BTC: variants seen among roughly 807,000 people sequenced by gnomAD.
BTC encodes the protein probetacellulin.
BTC carries 13 observed loss-of-function variants against 18.1 expected under a neutral mutation model. The observed-to-expected ratio is 0.72, with a 90% CI of 0.47 to 1.14. The LOEUF is 1.14. Among genes scored for constraint, BTC ranks in the 50% most tolerant of loss-of-function variants. BTC has a pLI of 0.00. For synonymous variants in BTC, 83 were observed against 79.4 expected, an observed-to-expected ratio of 1.05 and a Z score of -0.24; for missense variants, 247 against 224.2, an observed-to-expected ratio of 1.10 and a Z score of -0.65.
intron 1 of BTC, among the ~76,000 whole-genome samples, chr4:74,778,796 G>C (rs1181131846): frequency 2.0e-5 from 3 of 152,144 alleles, no homozygotes; most frequent in Non-Finnish European, 4.4e-5. Context: ...GGAGCAACCT[G>C]GCATGGGGAG....
chr4:74,785,475 G>A (rs1345498713), intron 1 of BTC, among the ~76,000 whole-genome samples: 1 of 152,184 alleles, frequency 6.6e-6, no homozygotes, highest in East Asian at 1.9e-4. Flanking sequence ...TTTGGGGTTT[G>A]TTTGCTCTTG....
At chr4:74,758,923 A>T (rs1724675875) in intron 2 of BTC, among the ~76,000 whole-genome samples, 1 of 152,158 alleles carries the variant, frequency 6.6e-6, no homozygotes, top group Non-Finnish European at 1.5e-5. Context: ...AATAAATCAC[A>T]CATACTGCCA....
At chr4:74,794,172 C>T in intron 1 of BTC, 90 bp downstream of exon 1, 1 of 1,503,536 alleles carries the variant, frequency 6.7e-7, no homozygotes, top group South Asian at 1.2e-5. Flanking sequence ...CCCTCTTGTC[C>T]AGATGCCAGC....
At chr4:74,757,622 G>GGATA (rs1217312257) in intron 2 of BTC, among the ~76,000 whole-genome samples, 1 of 151,938 alleles carries the variant, frequency 6.6e-6, no homozygotes, top group African/African-American at 2.4e-5. Context: ...AAGAAATAAA[G>GGATA]GATACCTTAT....
chr4:74,794,320 G>T lies in BTC; in HGVS notation c.6C>A (p.Asp2Glu). Residue 2 changes from aspartate (D) to glutamate (E), a missense_variant, in exon 1 of 6, where the codon GAC becomes GAA. Physicochemically the swap from Asp to Glu is conservative, Grantham distance 45. Transcript: ENST00000395743. Reference sequence around the variant, plus strand: ...TGGCGCCGCTGCACCGGGCGGCCCGGTCCATCAACCCCGCTCTGCCGGGCC... The same window carrying T: ...TGGCGCCGCTGCACCGGGCGGCCCGTTCCATCAACCCCGCTCTGCCGGGCC... Reference protein sequence around the residue: MDRAARCSGASS... With the variant: MERAARCSGASS... 6.5e-7 allele frequency: 1 copy of T among 1,546,886 alleles called. No homozygotes were observed. Among genetic ancestry groups the T allele is most frequent in the Non-Finnish European group, 8.7e-7 (1 of 1,145,904 alleles).
chr4:74,794,009 G>C (rs1370334355), intron 1 of BTC, among the ~76,000 whole-genome samples: 2 of 152,040 alleles, frequency 1.3e-5, no homozygotes, highest in Non-Finnish European at 2.9e-5. Context: ...CTGGCAGCGA[G>C]GACCTCGGAA....
At chr4:74,771,742 G>A (rs1209881650) in intron 1 of BTC, among the ~76,000 whole-genome samples, 1 of 152,144 alleles carries the variant, frequency 6.6e-6, no homozygotes, top group African/African-American at 2.4e-5. Flanking sequence ...CTTTTCTTGA[G>A]AACAATTCAG....
chr4:74,777,084 C>G (rs933066715), intron 1 of BTC, among the ~76,000 whole-genome samples: 1 of 152,112 alleles, frequency 6.6e-6, no homozygotes, highest in Non-Finnish European at 1.5e-5. Context: ...TAAAGAGAAG[C>G]AGTGCAGAGT....
At chr4:74,789,164 T>C (rs1209787078) in intron 1 of BTC, among the ~76,000 whole-genome samples, 1 of 152,250 alleles carries the variant, frequency 6.6e-6, no homozygotes, top group African/African-American at 2.4e-5. Context: ...AAACAATCCC[T>C]GCCATCGTGG....
At chr4:74,794,131 T>G (rs1433689271) in intron 1 of BTC, 131 bp downstream of exon 1, 2 of 1,200,542 alleles carry the variant, frequency 1.7e-6, no homozygotes, top group Non-Finnish European at 2.4e-6. Context: ...CCTTCAAAGT[T>G]CTCCAACCCG....
At chr4:74,759,639 A>G (rs1553957085) in intron 2 of BTC, among the ~76,000 whole-genome samples, 1 of 148,920 alleles carries the variant, frequency 6.7e-6, no homozygotes, top group Non-Finnish European at 1.5e-5. Flanking sequence ...AATATAAATA[A>G]AGACATGACA....
chr4:74,759,223 G>A (rs1311461885), intron 2 of BTC, among the ~76,000 whole-genome samples: 8 of 152,082 alleles, frequency 5.3e-5, no homozygotes, highest in Non-Finnish European at 8.8e-5. Context: ...AGAAGGAAAA[G>A]TTAATCCTAT....
chr4:74,790,494 C>T (rs1226648170), intron 1 of BTC, among the ~76,000 whole-genome samples: 1 of 152,160 alleles, frequency 6.6e-6, no homozygotes, highest in African/African-American at 2.4e-5. Context: ...CAGGCTTGAC[C>T]ACTACATGAC....
At chr4:74,766,425 T>C (rs1453796964) in intron 2 of BTC, among the ~76,000 whole-genome samples, 2 of 152,110 alleles carry the variant, frequency 1.3e-5, no homozygotes, top group Non-Finnish European at 2.9e-5. Context: ...TATCTTATTC[T>C]ATAAGCTTTT....
chr4:74,753,744 G>A (rs1724523412), intron 3 of BTC, among the ~76,000 whole-genome samples: 1 of 152,024 alleles, frequency 6.6e-6, no homozygotes, highest in Non-Finnish European at 1.5e-5. Context: ...TAGCTTCTTG[G>A]GAGGATGAGG....
intron 1 of BTC, among the ~76,000 whole-genome samples, chr4:74,782,346 A>G (rs947169977): frequency 3.9e-5 from 6 of 152,196 alleles, no homozygotes; most frequent in African/African-American, 1.4e-4. Context: ...ATAAGTGAGA[A>G]CAATGGTGTT....
chr4:74,774,682 G>C (rs762037339), intron 1 of BTC, among the ~76,000 whole-genome samples: 3 of 148,860 alleles, frequency 2.0e-5, no homozygotes, highest in Non-Finnish European at 2.9e-5. Flanking sequence ...CTGCTTGTTT[G>C]GAGGGTGGGT....
chr4:74,750,463 T>C (rs1161114305), intron 4 of BTC, 110 bp downstream of exon 4: 1 of 1,164,938 alleles, frequency 8.6e-7, no homozygotes, highest in African/African-American at 1.6e-5. Flanking sequence ...AGTAAATTTA[T>C]TTGAATCAAA....
intron 1 of BTC, among the ~76,000 whole-genome samples, chr4:74,775,794 C>T (rs1725160981): frequency 6.6e-6 from 1 of 152,142 alleles, no homozygotes; most frequent in African/African-American, 2.4e-5. Context: ...CTCTCTTTTC[C>T]TTGACAGATT....
Sources: gnomAD v4.1 joint callset for allele counts (sites outside exome capture counted in the v4.1 genomes callset) on GRCh38, gnomAD v4.1.1 for gene constraint, MANE v1.5 for transcripts, NCBI Gene and HGNC (gene_info 2026-07-23, HGNC 2026-07-21) for gene names.